KCTD16: variants seen among roughly 807,000 people sequenced by gnomAD.
KCTD16 encodes the protein potassium channel tetramerization domain containing 16, also known as BTB/POZ domain-containing protein KCTD16.
Under a neutral mutation model 33.2 loss-of-function variants are expected in KCTD16, and 13 were observed. The ratio of observed to expected loss-of-function variants is 0.39; its 90% CI spans 0.25 to 0.62. The LOEUF is 0.62. KCTD16 is among the 20% of genes least tolerant of loss of function. The pLI, the probability that KCTD16 is intolerant of heterozygous loss-of-function variation, is 0.50. For missense variants in KCTD16, 441 were observed against 525.1 expected (o/e 0.84, Z 1.57); for synonymous variants, 197 against 195.3 (o/e 1.01, Z -0.07).
At chr5:144,448,613 C>T (rs1213724982) in intron 3 of KCTD16, among the ~76,000 whole-genome samples, 1 of 152,044 alleles carries the variant, frequency 6.6e-6, no homozygotes, top group Non-Finnish European at 1.5e-5. Context: ...TTCTTATCAG[C>T]AGTTGCATTA....
intron 3 of KCTD16, among the ~76,000 whole-genome samples, chr5:144,306,411 GC>G: frequency 6.6e-6 from 1 of 152,330 alleles, no homozygotes; most frequent in South Asian, 2.1e-4. Context: ...GCCTGCCCTG[GC>G]AGCAGCCCAG....
intron 3 of KCTD16, among the ~76,000 whole-genome samples, chr5:144,246,734 C>T (rs948920868): frequency 2.0e-5 from 3 of 152,124 alleles, no homozygotes; most frequent in Non-Finnish European, 4.4e-5. Flanking sequence ...TATTGATCTC[C>T]TTCTCCTCCT....
chr5:144,335,138 T>C (rs1271434405), intron 3 of KCTD16, among the ~76,000 whole-genome samples: 1 of 152,124 alleles, frequency 6.6e-6, no homozygotes, highest in African/African-American at 2.4e-5. Flanking sequence ...TCTTTAGCAA[T>C]TGTGAGTGAG....
intron 3 of KCTD16, among the ~76,000 whole-genome samples, chr5:144,323,399 A>G (rs1395215809): frequency 6.6e-6 from 1 of 152,188 alleles, no homozygotes; most frequent in Non-Finnish European, 1.5e-5. Context: ...ATGAGAGACA[A>G]TTGGTAGGAA....
At chr5:144,184,700 A>T (rs1451530064) in intron 2 of KCTD16, among the ~76,000 whole-genome samples, 1 of 152,170 alleles carries the variant, frequency 6.6e-6, no homozygotes, top group Non-Finnish European at 1.5e-5. Context: ...TCCTTCTTGT[A>T]GTGCCATGCT....
chr5:144,360,325 C>A (rs776710145), intron 3 of KCTD16, among the ~76,000 whole-genome samples: 14 of 152,124 alleles, frequency 9.2e-5, no homozygotes, highest in Non-Finnish European at 1.6e-4. Context: ...TTTTCAACTT[C>A]CACTTATGAG....
intron 3 of KCTD16, among the ~76,000 whole-genome samples, chr5:144,218,849 A>G (rs1159351798): frequency 6.6e-6 from 1 of 152,252 alleles, no homozygotes; most frequent in Non-Finnish European, 1.5e-5. Context: ...TGGATAAATT[A>G]ATAATACCAC....
At chr5:144,424,762 G>T (rs759265844) in intron 3 of KCTD16, among the ~76,000 whole-genome samples, 22 of 152,058 alleles carry the variant, frequency 1.4e-4, no homozygotes, top group Non-Finnish European at 2.8e-4. Context: ...TTTATCAAAA[G>T]CCCACTTCTG....
chr5:144,365,310 C>T (rs1354557836), intron 3 of KCTD16, among the ~76,000 whole-genome samples: 2 of 151,916 alleles, frequency 1.3e-5, no homozygotes, highest in Non-Finnish European at 2.9e-5. Context: ...ACAGTCAAGT[C>T]CTCTAAACGG....
intron 3 of KCTD16, among the ~76,000 whole-genome samples, chr5:144,388,033 G>GA (rs935865390): frequency 1.2e-4 from 17 of 137,978 alleles, no homozygotes; most frequent in Admixed American, 4.4e-4. Context: ...TATTAATCGG[G>GA]AAAAAAAATC....
At chr5:144,417,774 A>G (rs1356581491) in intron 3 of KCTD16, among the ~76,000 whole-genome samples, 2 of 151,978 alleles carry the variant, frequency 1.3e-5, no homozygotes, top group Non-Finnish European at 1.5e-5. Context: ...TTTTGGGTCT[A>G]TGTTGTAAAG....
chr5:144,413,992 C>T (rs1752991303), intron 3 of KCTD16, among the ~76,000 whole-genome samples: 1 of 152,126 alleles, frequency 6.6e-6, no homozygotes, highest in Non-Finnish European at 1.5e-5. Flanking sequence ...ATTAAGTGAC[C>T]TTGTAGATCC....
At chr5:144,261,518 A>G (rs762406361) in intron 3 of KCTD16, among the ~76,000 whole-genome samples, 1 of 152,232 alleles carries the variant, frequency 6.6e-6, no homozygotes, top group Non-Finnish European at 1.5e-5. Context: ...CAGATATTTC[A>G]AAGTGTTTTT....
chr5:144,185,388 G>A (rs1201156251), intron 2 of KCTD16, among the ~76,000 whole-genome samples: 1 of 152,210 alleles, frequency 6.6e-6, no homozygotes, highest in African/African-American at 2.4e-5. Flanking sequence ...TGGATGCCAA[G>A]TCTAGGGTAC....
intron 3 of KCTD16, chr5:144,439,416 G>T: frequency 2.3e-6 from 1 of 429,378 alleles, no homozygotes; most frequent in South Asian, 2.0e-5. Context: ...TATGAACCAT[G>T]AACCAGAGCC....
intron 3 of KCTD16, among the ~76,000 whole-genome samples, chr5:144,444,250 A>T (rs115475809): frequency 0.05 from 7,310 of 146,608 alleles, 598 homozygotes; most frequent in African/African-American, 0.17. Flanking sequence ...GTTCATAGCG[A>T]TATTTCCAAT....
intron 3 of KCTD16, among the ~76,000 whole-genome samples, chr5:144,280,653 A>G (rs755800530): frequency 1.4e-4 from 22 of 152,164 alleles, no homozygotes; most frequent in African/African-American, 4.1e-4. Flanking sequence ...GGCTGGGCGC[A>G]GTGGCTCACG....
rs180892655 is a variant in KCTD16, at chr5:144,212,971, C to T, written c.832+5425C>T. On this transcript the variant is annotated intron_variant, in intron 3 of 3. Coordinates refer to ENST00000512467, the MANE Select transcript of KCTD16 (RefSeq NM_020768.4). Reference sequence around the variant, plus strand: ...GGATTATTTTGAAGCAAATCCCAGACATCAATTCATTTCTTTATCCACAAA... The same window carrying T: ...GGATTATTTTGAAGCAAATCCCAGATATCAATTCATTTCTTTATCCACAAA... Among the ~76,000 whole-genome samples, 833 of 152,194 alleles carry T rather than the reference C, an allele frequency of 5.5e-3. 7 individuals are homozygous for T. Among genetic ancestry groups the T allele is most frequent in the African/African-American group, 0.019 (796 of 41,552 alleles).
intron 3 of KCTD16, among the ~76,000 whole-genome samples, chr5:144,357,426 A>G (rs991686970): frequency 1.3e-5 from 2 of 152,230 alleles, no homozygotes; most frequent in African/African-American, 4.8e-5. Context: ...ATCAGAATCA[A>G]TGAGCCTTTC....
Sources: allele counts gnomAD v4.1 joint callset (sites outside exome capture counted in the v4.1 genomes callset), GRCh38; gene constraint gnomAD v4.1.1; transcripts MANE v1.5; gene names NCBI Gene and HGNC (gene_info 2026-07-23, HGNC 2026-07-21).